The following METTL15 variants were observed in gnomAD, a reference collection of about 807,000 sequenced individuals.
METTL15 encodes methyltransferase 15, mitochondrial 12S rRNA N4-cytidine, also known as 12S rRNA N(4)-cytidine methyltransferase METTL15.
A neutral mutation model predicts 38.3 loss-of-function variants in METTL15; 34 were observed. The ratio of observed to expected loss-of-function variants is 0.89; its 90% CI spans 0.68 to 1.18. The LOEUF (loss-of-function observed/expected upper bound fraction) is 1.18, where lower values mean the gene tolerates loss of function less well. Ranked by LOEUF, METTL15 falls within the 50% of genes most tolerant of loss-of-function variation. The probability of loss-of-function intolerance (pLI) is 0.00; values close to 1 mark genes in which losing one functional copy is unlikely to be tolerated. For missense variants in METTL15, 438 were observed against 498.4 expected, an observed-to-expected ratio of 0.88 and a Z score of 1.15; for synonymous variants, 162 against 170.9, an observed-to-expected ratio of 0.95 and a Z score of 0.41.
At chr11:28,118,278 C>G (rs1307032022) in intron 3 of METTL15, among the ~76,000 whole-genome samples, 1 of 151,976 alleles carries the variant, frequency 6.6e-6, no homozygotes, top group Non-Finnish European at 1.5e-5. Context: ...AGTTTACTAC[C>G]TATGTAGTTT....
chr11:28,116,098 T>G (rs768311078), intron 3 of METTL15, among the ~76,000 whole-genome samples: 12 of 152,062 alleles, frequency 7.9e-5, no homozygotes, highest in Non-Finnish European at 1.8e-4. Flanking sequence ...TATATCATAA[T>G]CTAGATATTT....
At chr11:28,485,519 G>T (rs1444710766) in intron 6 of METTL15, among the ~76,000 whole-genome samples, 1 of 152,140 alleles carries the variant, frequency 6.6e-6, no homozygotes, top group Non-Finnish European at 1.5e-5. Context: ...AAAGTGAGGG[G>T]CAGAGAGAGA....
At chr11:28,483,847 T>G (rs1851416663) in intron 6 of METTL15, among the ~76,000 whole-genome samples, 1 of 152,160 alleles carries the variant, frequency 6.6e-6, no homozygotes, top group Non-Finnish European at 1.5e-5. Flanking sequence ...ATTATGAAGA[T>G]TAATGTGATA....
chr11:28,126,327 C>G (rs752585060), intron 3 of METTL15, among the ~76,000 whole-genome samples: 2 of 152,018 alleles, frequency 1.3e-5, no homozygotes, highest in Non-Finnish European at 1.5e-5. Flanking sequence ...ATATACCATT[C>G]TCTTTTTCTT....
intron 4 of METTL15, among the ~76,000 whole-genome samples, chr11:28,243,261 G>A (rs1432230428): frequency 1.3e-5 from 2 of 152,162 alleles, no homozygotes; most frequent in Non-Finnish European, 2.9e-5. Context: ...AGCAGAGTAT[G>A]AAGTCAGCTG....
intron 4 of METTL15, among the ~76,000 whole-genome samples, 154 bp downstream of exon 4, chr11:28,211,352 T>C (rs1356312877): frequency 2.0e-5 from 3 of 152,096 alleles, no homozygotes; most frequent in Non-Finnish European, 2.9e-5. Flanking sequence ...ATGTAAGTGA[T>C]GTTTTTAGTA....
At chr11:28,228,402 AC>A (rs1213465129) in intron 4 of METTL15, among the ~76,000 whole-genome samples, 2 of 151,952 alleles carry the variant, frequency 1.3e-5, no homozygotes, top group Admixed American at 6.6e-5. Context: ...GGAAATAATA[AC>A]ATTACATACT....
At chr11:28,249,262 C>T (rs1002479565) in intron 4 of METTL15, among the ~76,000 whole-genome samples, 5 of 151,556 alleles carry the variant, frequency 3.3e-5, no homozygotes, top group Non-Finnish European at 7.4e-5. Flanking sequence ...AAGCATCTTC[C>T]GAGATTTGAC....
chr11:28,268,568 A>G (rs1325048212), intron 4 of METTL15, among the ~76,000 whole-genome samples: 3 of 152,140 alleles, frequency 2.0e-5, no homozygotes, highest in Non-Finnish European at 4.4e-5. Flanking sequence ...TATATATACT[A>G]TATAAATGGG....
intron 3 of METTL15, among the ~76,000 whole-genome samples, chr11:28,159,296 GT>G (rs2133737886): frequency 6.6e-6 from 1 of 152,208 alleles, no homozygotes; most frequent in South Asian, 2.1e-4. Context: ...AAGAGGAAGA[GT>G]TGCATGGAAT....
intron 6 of METTL15, among the ~76,000 whole-genome samples, chr11:28,301,550 C>T (rs951324625): frequency 2.6e-5 from 4 of 151,918 alleles, no homozygotes; most frequent in Admixed American, 1.3e-4. Flanking sequence ...GTAGTTACTC[C>T]GCATTAAGAG....
chr11:28,485,381 C>T (rs1050122872), intron 6 of METTL15, among the ~76,000 whole-genome samples: 3 of 152,172 alleles, frequency 2.0e-5, no homozygotes, highest in African/African-American at 4.8e-5. Context: ...AAAGTCTTTT[C>T]TTACTAATGA....
chr11:28,197,543 C>A, intron 3 of METTL15: 1 of 442,982 alleles, frequency 2.3e-6, no homozygotes, highest in South Asian at 1.7e-5. Flanking sequence ...AACTGAGGCT[C>A]AGAGAAGTTA....
chr11:28,199,291 G>A (rs1212409076), intron 3 of METTL15, among the ~76,000 whole-genome samples: 3 of 152,056 alleles, frequency 2.0e-5, no homozygotes, highest in Non-Finnish European at 2.9e-5. Flanking sequence ...TCTTACTGTG[G>A]ATTAATGCTG....
At chr11:28,391,177 A>G (rs1850502521) in intron 5 of METTL15, among the ~76,000 whole-genome samples, 1 of 152,114 alleles carries the variant, frequency 6.6e-6, no homozygotes, top group Admixed American at 6.6e-5. Context: ...ATCTGCAAAC[A>G]GGGACAATTT....
At chr11:28,355,114 G>A (rs1850078304) in intron 4 of METTL15, among the ~76,000 whole-genome samples, 1 of 152,158 alleles carries the variant, frequency 6.6e-6, no homozygotes. Context: ...CACCCCCAAA[G>A]TACTTGCCTG....
chr11:28,202,456 ACTAGG>A lies in METTL15; in HGVS notation c.271-8603_271-8599del, dbSNP rs1286489508. 9.9e-5 allele frequency among the ~76,000 whole-genome samples: 15 copies of A among 152,052 alleles called. No individual in the cohort carries two copies. In the East Asian group the frequency reaches 2.9e-3, roughly 29 times the overall value. On this transcript the variant is annotated intron_variant, in intron 3 of 6. Transcript: ENST00000407364. The stretch of plus-strand genomic sequence containing the variant: ...TCTTACATTGCTGATTTTTTTTTTA[ACTAGG>A]CTTATAGCTGTTTGTTTGCATGTCT...
chr11:28,260,484 G>A (rs1855157877), intron 4 of METTL15, among the ~76,000 whole-genome samples: 1 of 152,120 alleles, frequency 6.6e-6, no homozygotes, highest in Non-Finnish European at 1.5e-5. Flanking sequence ...TAGAATTGCA[G>A]CTGTCAGGGA....
chr11:28,354,955 G>A (rs1850077197), intron 4 of METTL15, among the ~76,000 whole-genome samples: 2 of 152,120 alleles, frequency 1.3e-5, no homozygotes, highest in Non-Finnish European at 2.9e-5. Context: ...ATACAGAGGT[G>A]AGTGAGAGGA....
Sources: allele counts gnomAD v4.1 joint callset (sites outside exome capture counted in the v4.1 genomes callset), GRCh38; gene constraint gnomAD v4.1.1; transcripts MANE v1.5; gene names NCBI Gene and HGNC (gene_info 2026-07-23, HGNC 2026-07-21).